Variants in PDGFC observed in about 807,000 individuals in gnomAD.
PDGFC encodes the protein platelet derived growth factor C, also known as platelet-derived growth factor C.
PDGFC carries 12 observed loss-of-function variants against 35.5 expected under a neutral mutation model. The observed-to-expected ratio is 0.34, with a 90% CI of 0.22 to 0.55. PDGFC has a LOEUF of 0.55. Ranked by LOEUF, PDGFC falls within the 20% of genes least tolerant of loss-of-function variation. The pLI is 0.91. For synonymous variants in PDGFC, 159 were observed against 148.8 expected (o/e 1.07, Z -0.50); for missense variants, 322 against 412.4 (o/e 0.78, Z 1.90).
intron 1 of PDGFC, among the ~76,000 whole-genome samples, chr4:156,894,092 A>G (rs1279532615): frequency 1.3e-5 from 2 of 152,188 alleles, no homozygotes; most frequent in African/African-American, 4.8e-5. Context: ...ATTCACATTC[A>G]TTATTCCATG....
chr4:156,822,037 A>G (rs1166600551), intron 2 of PDGFC, among the ~76,000 whole-genome samples: 1 of 152,188 alleles, frequency 6.6e-6, no homozygotes, highest in Non-Finnish European at 1.5e-5. Flanking sequence ...TTTAAGACAG[A>G]GAAAAACAAA....
chr4:156,812,202 C>T (rs975876355), intron 2 of PDGFC, among the ~76,000 whole-genome samples: 7 of 151,874 alleles, frequency 4.6e-5, no homozygotes, highest in African/African-American at 1.7e-4. Flanking sequence ...CCATTTTCAT[C>T]CCAACTAAAA....
At chr4:156,874,901 A>G (rs1459693025) in intron 1 of PDGFC, among the ~76,000 whole-genome samples, 1 of 151,768 alleles carries the variant, frequency 6.6e-6, no homozygotes, top group Non-Finnish European at 1.5e-5. Flanking sequence ...ATTTTTTTGT[A>G]GAGAAGGGTT....
chr4:156,821,234 T>C (rs1394063958), intron 2 of PDGFC, among the ~76,000 whole-genome samples: 2 of 151,398 alleles, frequency 1.3e-5, no homozygotes, highest in Admixed American at 1.3e-4. Flanking sequence ...AGAGTGTGAG[T>C]ATACAATTTT....
chr4:156,860,736 C>T (rs1729691317), intron 1 of PDGFC, among the ~76,000 whole-genome samples: 1 of 152,010 alleles, frequency 6.6e-6, no homozygotes, highest in Non-Finnish European at 1.5e-5. Context: ...AAATATGAAA[C>T]TATTTAAAAT....
chr4:156,944,835 C>G (rs182512497), intron 1 of PDGFC, among the ~76,000 whole-genome samples: 1 of 152,186 alleles, frequency 6.6e-6, no homozygotes, highest in Admixed American at 6.5e-5. Context: ...ATAATCATCT[C>G]TATATAAAAT....
At position 156,772,891 on chromosome 4, in the gene PDGFC, T is replaced by C. The variant is rs145757388; in HGVS notation, c.498A>G (p.Gln166=). The C allele has an allele frequency of 1.0e-5, 16 of 1,606,800 alleles. No homozygotes were observed. The African/African-American group carries it at 1.3e-4, about 13-fold the overall frequency. The change falls in exon 4 of 6, where the codon CAA becomes CAG. Residue 166 remains glutamine (Q), a splice_region_variant and synonymous_variant. Coordinates refer to ENST00000502773, the MANE Select transcript of PDGFC (RefSeq NM_016205.3). The part of the protein sequence containing the change: ...FCIHYNIVMP[Q]FTEAVSPSVL... The stretch of plus-strand genomic sequence containing the variant: ...CTGAAGGACTCACAGCTTCTGTGAA[T>C]TGCTGAAAGTAAAATGAATCCTGTG...
intron 3 of PDGFC, among the ~76,000 whole-genome samples, chr4:156,804,805 A>G (rs748099441): frequency 6.6e-6 from 1 of 152,064 alleles, no homozygotes; most frequent in African/African-American, 2.4e-5. Flanking sequence ...GTTTAGATGG[A>G]AAGAGTTGTG....
At chr4:156,930,496 C>A (rs949383536) in intron 1 of PDGFC, among the ~76,000 whole-genome samples, 8 of 152,192 alleles carry the variant, frequency 5.3e-5, no homozygotes. Flanking sequence ...GGCATCTCCA[C>A]AACAACTATG....
intron 2 of PDGFC, among the ~76,000 whole-genome samples, chr4:156,828,356 C>G (rs1417350014): frequency 6.6e-6 from 1 of 152,136 alleles, no homozygotes; most frequent in Non-Finnish European, 1.5e-5. Context: ...CAGAGCCAAT[C>G]AGAACAGTTT....
At chr4:156,916,272 C>T (rs1026725993) in intron 1 of PDGFC, among the ~76,000 whole-genome samples, 6 of 152,240 alleles carry the variant, frequency 3.9e-5, no homozygotes, top group Non-Finnish European at 8.8e-5. Context: ...TGTATGCAAG[C>T]CATCACAGCC....
At chr4:156,851,457 T>C (rs1177245306) in intron 1 of PDGFC, among the ~76,000 whole-genome samples, 1 of 152,184 alleles carries the variant, frequency 6.6e-6, no homozygotes, top group African/African-American at 2.4e-5. Flanking sequence ...CTCCTCCTTT[T>C]TATTAAAATG....
chr4:156,813,104 G>A (rs1731985251), intron 2 of PDGFC, among the ~76,000 whole-genome samples: 1 of 152,022 alleles, frequency 6.6e-6, no homozygotes, highest in African/African-American at 2.4e-5. Flanking sequence ...GGTGGGTATA[G>A]CAGACCTAAG....
chr4:156,955,563 AAAT>A (rs1423648807), intron 1 of PDGFC, among the ~76,000 whole-genome samples: 1 of 152,064 alleles, frequency 6.6e-6, no homozygotes, highest in African/African-American at 2.4e-5. Context: ...TTTGCTGATA[AAAT>A]AATAATACGA....
At chr4:156,924,888 CA>C (rs1310642627) in intron 1 of PDGFC, among the ~76,000 whole-genome samples, 1 of 151,836 alleles carries the variant, frequency 6.6e-6, no homozygotes, top group Admixed American at 6.6e-5. Flanking sequence ...TGCTGGGCAG[CA>C]AAAAAGAGGC....
intron 3 of PDGFC, among the ~76,000 whole-genome samples, chr4:156,782,245 T>C (rs1377687497): frequency 6.6e-6 from 1 of 152,196 alleles, no homozygotes; most frequent in African/African-American, 2.4e-5. Flanking sequence ...AGCATAATGA[T>C]ACCCTTGGCT....
At chr4:156,923,551 C>T (rs1267566374) in intron 1 of PDGFC, among the ~76,000 whole-genome samples, 1 of 152,118 alleles carries the variant, frequency 6.6e-6, no homozygotes, top group Non-Finnish European at 1.5e-5. Flanking sequence ...GAAGCAGTTT[C>T]AAAGAAAACT....
intron 1 of PDGFC, among the ~76,000 whole-genome samples, chr4:156,905,974 A>G (rs1730906421): frequency 6.6e-6 from 1 of 152,160 alleles, no homozygotes; most frequent in Non-Finnish European, 1.5e-5. Flanking sequence ...CAAAAGCAAC[A>G]GATGAAACCC....
Position 156,776,625 on chromosome 4 carries a change from T to G in PDGFC, c.496-3732A>C, listed in dbSNP as rs891412642. Among the ~76,000 whole-genome samples the G allele has an allele frequency of 1.8e-4, 28 of 152,324 alleles. 1 individual carries two copies. Among genetic ancestry groups the G allele is most frequent in the Middle Eastern group, 3.4e-3 (1 of 294 alleles). ...AGAGCAGAAAAGCATCTACAATCTA[T>G]GTGATGAAGTGTCCTGCCAAAGAGT... On this transcript the variant is annotated intron_variant, in intron 3 of 5. Transcript: ENST00000502773.
Sources: gnomAD v4.1 joint callset for allele counts (sites outside exome capture counted in the v4.1 genomes callset) on GRCh38, gnomAD v4.1.1 for gene constraint, MANE v1.5 for transcripts, NCBI Gene and HGNC (gene_info 2026-07-23, HGNC 2026-07-21) for gene names.